KDM4C: variants seen among roughly 807,000 people sequenced by gnomAD.
The protein encoded by KDM4C is lysine-specific demethylase 4C.
A neutral mutation model predicts 129.3 loss-of-function variants in KDM4C; 81 were observed. That is an observed-to-expected ratio of 0.63 (90% CI 0.52 to 0.75). The LOEUF is 0.75. Ranked by LOEUF, KDM4C falls within the 30% of genes least tolerant of loss-of-function variation. The probability of loss-of-function intolerance (pLI) is 0.00; values close to 1 mark genes in which losing one functional copy is unlikely to be tolerated. For missense variants in KDM4C, 1,457 were observed against 1,304.0 expected (o/e 1.12, Z -1.81); for synonymous variants, 573 against 456.1 (o/e 1.26, Z -3.26).
chr9:6,741,319 A>T (rs899223935), intron 1 of KDM4C, among the ~76,000 whole-genome samples: 4 of 151,922 alleles, frequency 2.6e-5, no homozygotes, highest in African/African-American at 4.8e-5. Flanking sequence ...CGCTTGAACT[A>T]GGGAGGCGGA....
intron 1 of KDM4C, among the ~76,000 whole-genome samples, chr9:6,767,177 C>T (rs148367516): frequency 0.094 from 14,194 of 151,692 alleles, 786 homozygotes; most frequent in Non-Finnish European, 0.11. Context: ...CTCGCTGTGT[C>T]GCCCAGGCTG....
chr9:6,735,858 G>A (rs955243763), intron 1 of KDM4C, among the ~76,000 whole-genome samples: 1 of 152,178 alleles, frequency 6.6e-6, no homozygotes, highest in Admixed American at 6.6e-5. Flanking sequence ...ACAGTTTGGA[G>A]GGCTCAGAAG....
intron 15 of KDM4C, among the ~76,000 whole-genome samples, chr9:7,024,211 A>G (rs991844032): frequency 8.2e-5 from 12 of 146,770 alleles, no homozygotes; most frequent in Admixed American, 8.2e-4. Flanking sequence ...GGATCTGTCC[A>G]TTGCTGAGTG....
At chr9:7,040,216 T>C (rs1828323293) in intron 15 of KDM4C, among the ~76,000 whole-genome samples, 1 of 152,100 alleles carries the variant, frequency 6.6e-6, no homozygotes, top group Non-Finnish European at 1.5e-5. Flanking sequence ...TACTTCTTCA[T>C]ATACTATACT....
At chr9:7,045,800 C>T (rs1048402090) in intron 15 of KDM4C, among the ~76,000 whole-genome samples, 1 of 152,036 alleles carries the variant, frequency 6.6e-6, no homozygotes, top group African/African-American at 2.4e-5. Flanking sequence ...AAAAGTTATA[C>T]AGATACATGA....
chr9:6,809,854 C>T (rs1830817252), intron 3 of KDM4C, among the ~76,000 whole-genome samples: 1 of 151,968 alleles, frequency 6.6e-6, no homozygotes, highest in South Asian at 2.1e-4. Context: ...AAAAATTAGC[C>T]AGGCAGGTGG....
At chr9:6,820,283 A>G (rs747049210) in intron 4 of KDM4C, among the ~76,000 whole-genome samples, 2 of 152,108 alleles carry the variant, frequency 1.3e-5, no homozygotes, top group Non-Finnish European at 2.9e-5. Context: ...AAGGAGAGAG[A>G]GTGAAAGGTG....
At chr9:7,053,654 T>G (rs769161949) in intron 17 of KDM4C, among the ~76,000 whole-genome samples, 13 of 152,266 alleles carry the variant, frequency 8.5e-5, no homozygotes, top group African/African-American at 2.9e-4. Flanking sequence ...TAATTAACTT[T>G]TAAAAACCTA....
chr9:6,825,524 C>G (rs1028440913), intron 4 of KDM4C, among the ~76,000 whole-genome samples: 2 of 152,158 alleles, frequency 1.3e-5, no homozygotes, highest in Non-Finnish European at 2.9e-5. Context: ...AACGAATCAC[C>G]TTCAGAGACA....
chr9:7,131,487 C>T (rs544474719), intron 19 of KDM4C, among the ~76,000 whole-genome samples: 1 of 151,992 alleles, frequency 6.6e-6, no homozygotes, highest in South Asian at 2.1e-4. Flanking sequence ...TGAGAAGTCC[C>T]AAGATATTTT....
chr9:7,113,189 T>A (rs571716972), intron 18 of KDM4C, among the ~76,000 whole-genome samples: 3 of 152,290 alleles, frequency 2.0e-5, no homozygotes, highest in African/African-American at 4.8e-5. Context: ...TGATCGATAT[T>A]CCTAAATCTA....
chr9:7,010,305 A>G lies in KDM4C; in HGVS notation c.1787-1393A>G, dbSNP rs144743798. ...ATACCAAGTGTTTTCCATTGTAAAA[A>G]TAATAACAACAACAACCATGATAAC... On this transcript the variant is annotated intron_variant, in intron 12 of 21. Transcript: ENST00000381309. Among the ~76,000 whole-genome samples, 866 of 152,336 alleles carry G rather than the reference A, an allele frequency of 5.7e-3. 14 individuals are homozygous for G. Among genetic ancestry groups the G allele is most frequent in the African/African-American group, 0.019 (785 of 41,570 alleles).
chr9:6,849,317 G>A (rs4742269), intron 4 of KDM4C, among the ~76,000 whole-genome samples, 190 bp from the exon 5 acceptor site: 16,235 of 152,232 alleles, frequency 0.11, 1,212 homozygotes, highest in African/African-American at 0.19. Flanking sequence ...TATGCTGGTA[G>A]TAATCTTTGA....
chr9:6,897,845 T>C (rs1816706211), intron 8 of KDM4C, among the ~76,000 whole-genome samples: 1 of 152,240 alleles, frequency 6.6e-6, no homozygotes, highest in Admixed American at 6.5e-5. Context: ...CAATTATTTT[T>C]TCTTGATAGA....
chr9:7,165,751 A>G (rs1252513129), intron 20 of KDM4C, among the ~76,000 whole-genome samples: 2 of 152,234 alleles, frequency 1.3e-5, no homozygotes, highest in Non-Finnish European at 2.9e-5. Flanking sequence ...GCTTTTGCTG[A>G]GAGACATAGT....
At chr9:7,066,977 G>A (rs1396994314) in intron 17 of KDM4C, among the ~76,000 whole-genome samples, 2 of 152,086 alleles carry the variant, frequency 1.3e-5, no homozygotes, top group Admixed American at 1.3e-4. Flanking sequence ...AAAACAAGAG[G>A]GAATCAGTGG....
intron 18 of KDM4C, among the ~76,000 whole-genome samples, chr9:7,127,273 A>G (rs1050742440): frequency 1.1e-4 from 16 of 152,198 alleles, no homozygotes; most frequent in Admixed American, 1.3e-4. Context: ...TCTTTCACAG[A>G]TTGCTTTAGT....
Position 6,888,038 on chromosome 9 carries a change from A to C in KDM4C, c.758A>C (p.Lys253Thr). ...KMTLISPSVL[K>T]KYGIPFDKIT... ...ACATTGATTTCTCCATCAGTATTGA[A>C]GAAATATGGTATTCCCTTTGACAAG... Residue 253 changes from lysine (K) to threonine (T), a missense_variant, in exon 7 of 22, where the codon AAG becomes ACG. Physicochemically the swap from Lys to Thr is moderately conservative, Grantham distance 78. Transcript: ENST00000381309. The C allele has an allele frequency of 6.3e-7, 1 of 1,591,802 alleles. No individual in the cohort carries two copies. The highest frequency in any genetic ancestry group is 8.6e-7 in the Non-Finnish European group (1 of 1,161,648).
chr9:6,963,520 G>C (rs888414198), intron 8 of KDM4C, among the ~76,000 whole-genome samples: 1 of 152,162 alleles, frequency 6.6e-6, no homozygotes, highest in Non-Finnish European at 1.5e-5. Context: ...CCTAGTCTAT[G>C]GGCATTTAAG....
Sources: allele counts gnomAD v4.1 joint callset (sites outside exome capture counted in the v4.1 genomes callset), GRCh38; gene constraint gnomAD v4.1.1; transcripts MANE v1.5; gene names NCBI Gene and HGNC (gene_info 2026-07-23, HGNC 2026-07-21).